The following NDRG3 variants were observed in gnomAD, a reference collection of about 807,000 sequenced individuals.
The protein encoded by NDRG3 is protein NDRG3.
A neutral mutation model predicts 57.2 loss-of-function variants in NDRG3; 23 were observed. The observed-to-expected ratio is 0.40, with a 90% CI of 0.29 to 0.57. The LOEUF (loss-of-function observed/expected upper bound fraction) is 0.57. Among genes scored for constraint, NDRG3 ranks in the 20% least tolerant of loss-of-function variants. The pLI is 0.42. For synonymous variants in NDRG3, 132 were observed against 162.6 expected (o/e 0.81, Z 1.43); for missense variants, 384 against 457.3 (o/e 0.84, Z 1.46).
intron 3 of NDRG3, among the ~76,000 whole-genome samples, chr20:36,697,131 G>T (rs11907291): frequency 6.6e-6 from 1 of 152,272 alleles, no homozygotes. Flanking sequence ...GAGACAAAGC[G>T]TAGATGGAAC....
chr20:36,712,570 TATATATATATATATATA>T (rs1418853196), intron 2 of NDRG3, among the ~76,000 whole-genome samples: 2 of 16,616 alleles, frequency 1.2e-4, no homozygotes, highest in East Asian at 2.3e-3. Flanking sequence ...TATATATATA[TATATATATATATATATA>T]TTTTTTTTTT....
At chr20:36,701,832 G>C (rs1411945663) in intron 3 of NDRG3, among the ~76,000 whole-genome samples, 1 of 147,460 alleles carries the variant, frequency 6.8e-6, no homozygotes, top group Non-Finnish European at 1.5e-5. Flanking sequence ...ACAGGCGTGA[G>C]CCACTGTGCC....
At chr20:36,693,173 CACACATATATATAT>C in intron 3 of NDRG3, among the ~76,000 whole-genome samples, 1 of 103,478 alleles carries the variant, frequency 9.7e-6, no homozygotes, top group Non-Finnish European at 1.8e-5. Flanking sequence ...TATATATATA[CACACATATATATAT>C]ACACACACAC....
At chr20:36,671,627 C>T (rs1236241290) in intron 8 of NDRG3, among the ~76,000 whole-genome samples, 4 of 151,982 alleles carry the variant, frequency 2.6e-5, no homozygotes, top group African/African-American at 7.3e-5. Context: ...ACGGTGAAAC[C>T]CTGTCTCTAC....
chr20:36,719,401 T>A lies in NDRG3; in HGVS notation c.57+2278A>T, dbSNP rs776119494. 8.3e-4 allele frequency among the ~76,000 whole-genome samples: 105 copies of A among 125,936 alleles called. 1 individual carries two copies. Among genetic ancestry groups the A allele is most frequent in the Non-Finnish European group, 1.2e-3 (74 of 63,518 alleles). 82.6% of individuals were successfully genotyped at this position (125,936 alleles called of 152,430 possible). Reference sequence around the variant, plus strand: ...AAGATCACGCCACTGCACTCGAGCCTGGTGACAGAGCAAGACTCCGTTTCA... The same window carrying A: ...AAGATCACGCCACTGCACTCGAGCCAGGTGACAGAGCAAGACTCCGTTTCA... On this transcript the variant is annotated intron_variant, in intron 2 of 15. Coordinates refer to ENST00000349004, the MANE Select transcript of NDRG3 (RefSeq NM_032013.4).
At chr20:36,701,985 T>G (rs1048762888) in intron 3 of NDRG3, among the ~76,000 whole-genome samples, 1 of 152,176 alleles carries the variant, frequency 6.6e-6, no homozygotes, top group Admixed American at 6.6e-5. Flanking sequence ...GTCACTGGAA[T>G]GACACGATCT....
At chr20:36,724,754 C>A (rs1043435059) in intron 1 of NDRG3, among the ~76,000 whole-genome samples, 15 of 151,506 alleles carry the variant, frequency 9.9e-5, no homozygotes, top group Admixed American at 3.3e-4. Flanking sequence ...ATGGTGAAAC[C>A]CCATTTCTAC....
chr20:36,692,130 T>C (rs1290260698), intron 3 of NDRG3, among the ~76,000 whole-genome samples: 2 of 152,224 alleles, frequency 1.3e-5, no homozygotes, highest in Admixed American at 6.5e-5. Context: ...ATTTCATACA[T>C]ACCAAAATGG....
At chr20:36,662,284 G>A (rs867550595) in intron 12 of NDRG3, among the ~76,000 whole-genome samples, 67 of 150,436 alleles carry the variant, frequency 4.5e-4, no homozygotes, top group African/African-American at 1.5e-3. Flanking sequence ...CTGGGGTGCA[G>A]TGGCACGATC....
intron 1 of NDRG3, among the ~76,000 whole-genome samples, chr20:36,743,782 T>C (rs1379849195): frequency 4.2e-5 from 6 of 143,670 alleles, no homozygotes; most frequent in South Asian, 4.6e-4. Flanking sequence ...GGCGCCACTG[T>C]ACTCCAGCCT....
chr20:36,676,605 G>C (rs1374879830), intron 8 of NDRG3, among the ~76,000 whole-genome samples: 1 of 152,152 alleles, frequency 6.6e-6, no homozygotes, highest in Non-Finnish European at 1.5e-5. Flanking sequence ...TGGGATTACA[G>C]GCATACACCA....
chr20:36,740,744 TAAAATC>T (rs1361152526), intron 1 of NDRG3, among the ~76,000 whole-genome samples: 3 of 152,200 alleles, frequency 2.0e-5, no homozygotes, highest in Non-Finnish European at 4.4e-5. Context: ...ACTGAAGAGA[TAAAATC>T]AAAAGACATA....
intron 1 of NDRG3, among the ~76,000 whole-genome samples, chr20:36,722,148 A>G (rs1568665807): frequency 1.3e-5 from 2 of 152,184 alleles, no homozygotes; most frequent in Admixed American, 6.6e-5. Context: ...CTGAAGAGGC[A>G]AGCTGATGTG....
At chr20:36,708,661 A>AAAAAAAAAAAAG (rs1555803976) in intron 2 of NDRG3, among the ~76,000 whole-genome samples, 1 of 151,632 alleles carries the variant, frequency 6.6e-6, no homozygotes, top group African/African-American at 2.4e-5. Flanking sequence ...AAAAAAAAAA[A>AAAAAAAAAAAAG]AAAAAGAAAA....
At chr20:36,655,931 C>A (rs1377918873) in intron 15 of NDRG3, among the ~76,000 whole-genome samples, 1 of 152,012 alleles carries the variant, frequency 6.6e-6, no homozygotes, top group Non-Finnish European at 1.5e-5. Context: ...GTCAAGAGAT[C>A]AAGACCATCC....
intron 9 of NDRG3, among the ~76,000 whole-genome samples, chr20:36,669,317 C>T (rs2148052712): frequency 6.6e-6 from 1 of 152,054 alleles, no homozygotes; most frequent in Admixed American, 6.6e-5. Context: ...GCAACCTCTG[C>T]CTCCTGGGTT....
chr20:36,713,822 G>A (rs375389293), intron 2 of NDRG3, among the ~76,000 whole-genome samples: 13 of 152,284 alleles, frequency 8.5e-5, no homozygotes, highest in African/African-American at 3.1e-4. Flanking sequence ...AAGGTTACAC[G>A]TAATTGACAT....
intron 1 of NDRG3, among the ~76,000 whole-genome samples, chr20:36,733,601 G>A (rs937443342): frequency 2.6e-5 from 4 of 151,972 alleles, no homozygotes; most frequent in Admixed American, 6.6e-5. Flanking sequence ...GCAGGTGCCT[G>A]TAGTCCAGCT....
chr20:36,662,135 C>T (rs1979254757), intron 12 of NDRG3, among the ~76,000 whole-genome samples: 1 of 152,054 alleles, frequency 6.6e-6, no homozygotes, highest in Non-Finnish European at 1.5e-5. Flanking sequence ...CATAATAAAT[C>T]ATGCTTTCCT....
Sources: allele counts gnomAD v4.1 joint callset (sites outside exome capture counted in the v4.1 genomes callset), GRCh38; gene constraint gnomAD v4.1.1; transcripts MANE v1.5; gene names NCBI Gene and HGNC (gene_info 2026-07-23, HGNC 2026-07-21).